Variants in TSPAN9 observed in about 807,000 individuals in gnomAD.
The protein encoded by TSPAN9 is tetraspanin-9.
In TSPAN9, 16 loss-of-function variants were observed where a neutral mutation model predicts 31.0. The ratio of observed to expected loss-of-function variants is 0.52; its 90% CI spans 0.35 to 0.78. The LOEUF is 0.78. Ranked by LOEUF, TSPAN9 falls within the 30% of genes least tolerant of loss-of-function variation. TSPAN9 has a pLI of 0.01. For synonymous variants in TSPAN9, 145 were observed against 121.6 expected (o/e 1.19, Z -1.27); for missense variants, 272 against 312.5 (o/e 0.87, Z 0.98).
At chr12:3,133,984 G>A (rs1294208855) in intron 2 of TSPAN9, among the ~76,000 whole-genome samples, 2 of 152,194 alleles carry the variant, frequency 1.3e-5, no homozygotes, top group Non-Finnish European at 2.9e-5. Context: ...AACAGGGTCA[G>A]CGCTTAGGGC....
chr12:3,272,890 C>G (rs1212099852), intron 3 of TSPAN9: 1 of 152,288 alleles, frequency 6.6e-6, no homozygotes, highest in African/African-American at 2.4e-5. Flanking sequence ...ATGGTTCAAA[C>G]TGAAGACAAG....
At chr12:3,165,723 C>A (rs2098348010) in intron 2 of TSPAN9, among the ~76,000 whole-genome samples, 1 of 152,156 alleles carries the variant, frequency 6.6e-6, no homozygotes, top group Admixed American at 6.5e-5. Flanking sequence ...CCGTCTGTGT[C>A]TTTGTGAGGC....
chr12:3,117,943 A>C (rs889728716), intron 2 of TSPAN9, among the ~76,000 whole-genome samples: 20 of 152,030 alleles, frequency 1.3e-4, no homozygotes, highest in South Asian at 8.3e-4. Context: ...GGTGAAGGGA[A>C]TGGCCTGAAG....
chr12:3,283,032 C>T lies in TSPAN9; in HGVS notation c.649-13C>T. Reference sequence around the variant, plus strand: ...TGCAGCTCCTGCCTCAGGCCCCTCCCCGTGTCTTTCAGATCCTGGGCATGG... The same window carrying T: ...TGCAGCTCCTGCCTCAGGCCCCTCCTCGTGTCTTTCAGATCCTGGGCATGG... On this transcript the variant is annotated splice_polypyrimidine_tract_variant and intron_variant, in intron 8 of 8. Transcript: ENST00000011898. 1.2e-6 allele frequency: 2 copies of T among 1,607,110 alleles called. No individual in the cohort carries two copies.
rs1284308735 is a variant in TSPAN9, at chr12:3,284,295, T to C, written c.*1179T>C. 1 of 152,516 alleles carries C rather than the reference T, an allele frequency of 6.6e-6. No individual in the cohort carries two copies. Among genetic ancestry groups the C allele is most frequent in the South Asian group, 2.1e-4 (1 of 4,834 alleles). 9.4% of individuals were successfully genotyped at this position (152,516 alleles called of 1,614,324 possible). ...GGGAAGCAGTCCTTAGGTTTTGCTG[T>C]GCTGGGACAGTGGCAGGGGACCCAC... On this transcript the variant is annotated 3_prime_UTR_variant, in exon 9 of 9. Transcript: ENST00000011898.
intron 3 of TSPAN9, among the ~76,000 whole-genome samples, chr12:3,270,608 C>A (rs1862658285): frequency 6.6e-6 from 1 of 152,238 alleles, no homozygotes; most frequent in East Asian, 1.9e-4. Flanking sequence ...AGCACTTCAA[C>A]AGGGCCAACC....
At chr12:3,182,859 C>T (rs1006259655) in intron 2 of TSPAN9, among the ~76,000 whole-genome samples, 6 of 152,292 alleles carry the variant, frequency 3.9e-5, no homozygotes, top group Admixed American at 3.9e-4. Context: ...AGCCAGGCCA[C>T]GCAGCCCTCC....
At chr12:3,206,204 A>C (rs531771690) in intron 3 of TSPAN9, 21 of 420,624 alleles carry the variant, frequency 5.0e-5, no homozygotes, top group African/African-American at 3.0e-4. Flanking sequence ...CCTGTGGCTT[A>C]TCAGGGTGCT....
At position 3,283,749 on chromosome 12, in the gene TSPAN9, G is replaced by C. The variant is rs1371617684; in HGVS notation, c.*633G>C. On this transcript the variant is annotated 3_prime_UTR_variant, in exon 9 of 9. Coordinates refer to ENST00000011898, the MANE Select transcript of TSPAN9 (RefSeq NM_006675.5). Reference sequence around the variant, plus strand: ...AATGGTTTGACTTTTTTTCCCTGAGGGTGAGGGATGGGTGGGAAGAGAGGA... The same window carrying C: ...AATGGTTTGACTTTTTTTCCCTGAGCGTGAGGGATGGGTGGGAAGAGAGGA... The C allele has an allele frequency of 6.6e-6, 1 of 152,612 alleles. No homozygotes were observed. The highest frequency in any genetic ancestry group is 1.5e-5 in the Non-Finnish European group (1 of 68,084). 9.5% of individuals were successfully genotyped at this position (152,612 alleles called of 1,614,324 possible). A position where few individuals can be genotyped will look rare whatever the true frequency, so the allele number is the denominator to read the frequency against.
intron 2 of TSPAN9, among the ~76,000 whole-genome samples, chr12:3,091,453 G>A (rs2098304550): frequency 6.6e-6 from 1 of 152,202 alleles, no homozygotes; most frequent in Admixed American, 6.5e-5. Context: ...CAGGGGAAGA[G>A]CCAGTGATGG....
chr12:3,101,828 G>C (rs1265091544), intron 2 of TSPAN9, among the ~76,000 whole-genome samples: 2 of 152,128 alleles, frequency 1.3e-5, no homozygotes, highest in Non-Finnish European at 2.9e-5. Context: ...CCTGCTCCCT[G>C]GTGGCTGGGA....
intron 3 of TSPAN9, among the ~76,000 whole-genome samples, chr12:3,219,592 A>G (rs1427061036): frequency 1.3e-5 from 2 of 152,072 alleles, no homozygotes; most frequent in Non-Finnish European, 2.9e-5. Flanking sequence ...TTGTTTGTAC[A>G]TCTTTCTCTG....
intron 2 of TSPAN9, among the ~76,000 whole-genome samples, chr12:3,118,111 T>C (rs1320714496): frequency 6.6e-6 from 1 of 152,036 alleles, no homozygotes; most frequent in Non-Finnish European, 1.5e-5. Context: ...AAGGCTCTAG[T>C]TCACAAGGTT....
chr12:3,167,531 A>G (rs2098349163), intron 2 of TSPAN9, among the ~76,000 whole-genome samples: 1 of 152,206 alleles, frequency 6.6e-6, no homozygotes. Flanking sequence ...CTTGGTGTAC[A>G]GGTGCTAATA....
At chr12:3,178,739 A>G (rs1476277295) in intron 2 of TSPAN9, among the ~76,000 whole-genome samples, 2 of 152,154 alleles carry the variant, frequency 1.3e-5, no homozygotes, top group Non-Finnish European at 2.9e-5. Flanking sequence ...ATTAACACTT[A>G]GAATGTGGTG....
intron 2 of TSPAN9, among the ~76,000 whole-genome samples, chr12:3,129,281 A>G (rs2098328725): frequency 6.6e-6 from 1 of 152,104 alleles, no homozygotes; most frequent in South Asian, 2.1e-4. Context: ...CTGCCTGCAC[A>G]CCCACCCACA....
At chr12:3,164,535 T>C (rs1204075223) in intron 2 of TSPAN9, among the ~76,000 whole-genome samples, 1 of 152,256 alleles carries the variant, frequency 6.6e-6, no homozygotes, top group Non-Finnish European at 1.5e-5. Flanking sequence ...CTCCTCTCCC[T>C]GGCCCTTGCA....
At position 3,168,245 on chromosome 12, in the gene TSPAN9, T is replaced by C. The variant is rs1425767403; in HGVS notation, c.-17-32932T>C. ...GGGAAAAATCTTCATCCCTCTACACTGTGCCAGCTCTTTCCAGATGCTTCA... is the reference window on the plus strand; with the variant it reads ...GGGAAAAATCTTCATCCCTCTACACCGTGCCAGCTCTTTCCAGATGCTTCA... On this transcript the variant is annotated intron_variant, in intron 2 of 8. Coordinates refer to ENST00000011898, the MANE Select transcript of TSPAN9 (RefSeq NM_006675.5). The surrounding 1 kb of genome is among the most constrained non-coding windows in gnomAD (Gnocchi z 4.0). Among the ~76,000 whole-genome samples, 1 of 152,248 alleles carries C rather than the reference T, an allele frequency of 6.6e-6. No homozygotes were observed. The highest frequency in any genetic ancestry group is 6.5e-5 in the Admixed American group (1 of 15,290).
intron 3 of TSPAN9, among the ~76,000 whole-genome samples, chr12:3,219,708 G>A (rs1007234238): frequency 5.9e-5 from 9 of 152,218 alleles, no homozygotes; most frequent in African/African-American, 1.7e-4. Flanking sequence ...GGGGCCTGTC[G>A]GGGGGTGAGG....
Sources: gnomAD v4.1 joint callset for allele counts (sites outside exome capture counted in the v4.1 genomes callset) on GRCh38, gnomAD v4.1.1 for gene constraint, Gnocchi (gnomAD v3.1) non-coding constraint, MANE v1.5 for transcripts, NCBI Gene and HGNC (gene_info 2026-07-23, HGNC 2026-07-21) for gene names.